The following PCDHGA5 variants were observed in gnomAD, a reference collection of about 807,000 sequenced individuals.
PCDHGA5 encodes the protein protocadherin gamma-A5.
Under a neutral mutation model 56.7 loss-of-function variants are expected in PCDHGA5, and 36 were observed. That is an observed-to-expected ratio of 0.64 (90% CI 0.49 to 0.84). The LOEUF (loss-of-function observed/expected upper bound fraction) is 0.84. Among genes scored for constraint, PCDHGA5 ranks in the 40% least tolerant of loss-of-function variants. The pLI is 0.00. For missense variants in PCDHGA5, 1,305 were observed against 1,201.5 expected, an observed-to-expected ratio of 1.09 and a Z score of -1.27; for synonymous variants, 563 against 520.2, an observed-to-expected ratio of 1.08 and a Z score of -1.12.
intron 1 of PCDHGA5, chr5:141,392,986 A>G (rs573495684): frequency 1.9e-6 from 3 of 1,613,454 alleles, no homozygotes; most frequent in East Asian, 4.5e-5. Context: ...GACCCCCGGA[A>G]GCTGGCGAAG....
At chr5:141,435,516 C>T (rs2097767967) in intron 1 of PCDHGA5, among the ~76,000 whole-genome samples, 1 of 152,058 alleles carries the variant, frequency 6.6e-6, no homozygotes, top group Non-Finnish European at 1.5e-5. Context: ...CTAATGATGA[C>T]TTTGTGGAAT....
chr5:141,456,814 ATTAGCCATCGTGG>A (rs2098889077), intron 1 of PCDHGA5, among the ~76,000 whole-genome samples: 1 of 151,928 alleles, frequency 6.6e-6, no homozygotes, highest in Non-Finnish European at 1.5e-5. Context: ...AATACAAAAA[ATTAGCCATCGTGG>A]TAGTGGGCGC....
intron 1 of PCDHGA5, chr5:141,422,451 C>A: frequency 6.2e-7 from 1 of 1,611,518 alleles, no homozygotes; most frequent in East Asian, 2.2e-5. Context: ...TGATAACAAG[C>A]AGAGTGCTGG....
At chr5:141,508,906 G>A (rs2099872897) in intron 3 of PCDHGA5, among the ~76,000 whole-genome samples, 1 of 152,092 alleles carries the variant, frequency 6.6e-6, no homozygotes, top group Non-Finnish European at 1.5e-5. Context: ...CGGGGCGGTG[G>A]CGGATCTGGC....
At chr5:141,372,562 C>G in intron 1 of PCDHGA5, 1 of 1,614,054 alleles carries the variant, frequency 6.2e-7, no homozygotes. Context: ...AGACCCGCCA[C>G]TGAGGGCTAC....
chr5:141,454,628 AC>A (rs1272822911), intron 1 of PCDHGA5, among the ~76,000 whole-genome samples: 2 of 151,334 alleles, frequency 1.3e-5, no homozygotes, highest in Non-Finnish European at 2.9e-5. Context: ...CTGGTCTCGA[AC>A]CCCCAACCTC....
intron 3 of PCDHGA5, among the ~76,000 whole-genome samples, chr5:141,505,868 G>T (rs2099848820): frequency 6.6e-6 from 1 of 152,170 alleles, no homozygotes; most frequent in Admixed American, 6.5e-5. Context: ...GGACCCCAAA[G>T]GGTTGTTGTA....
rs2097383894 is a variant in PCDHGA5, at chr5:141,431,489, C to T, written c.2422-63318C>T. On this transcript the variant is annotated intron_variant, in intron 1 of 3. Transcript: ENST00000518069. This position sits in a 1 kb window ranked among gnomAD's most constrained non-coding sequence, Gnocchi z 4.8. ...GAACGACAACGCACCAGCGTTTGCTCAGCCCGAGTACCGCGCGAGCGTTCC... is the reference window on the plus strand; with the variant it reads ...GAACGACAACGCACCAGCGTTTGCTTAGCCCGAGTACCGCGCGAGCGTTCC... The T allele has an allele frequency of 1.2e-6, 2 of 1,613,850 alleles. No homozygotes were observed. The highest frequency in any genetic ancestry group is 3.3e-5 in the Admixed American group (2 of 60,016).
intron 1 of PCDHGA5, chr5:141,421,895 GA>G: frequency 6.2e-7 from 1 of 1,613,730 alleles, no homozygotes; most frequent in African/African-American, 1.3e-5. Flanking sequence ...GATCCCATCC[GA>G]AAGGGCGCAG....
At chr5:141,422,498 C>T (rs1482415670) in intron 1 of PCDHGA5, 1 of 1,613,964 alleles carries the variant, frequency 6.2e-7, no homozygotes, top group Admixed American at 1.7e-5. Flanking sequence ...ATAACGTTGA[C>T]AGCCACAGAC....
At position 141,491,390 on chromosome 5, in the gene PCDHGA5, T is replaced by C; in HGVS notation, c.2422-3417T>C. 6.2e-7 allele frequency: 1 copy of C among 1,614,130 alleles called. No homozygotes were observed. Among genetic ancestry groups the C allele is most frequent in the Non-Finnish European group, 8.5e-7 (1 of 1,179,988 alleles). ...TTCACCTTTCTGTCAGCGAAGTGCC[T>C]TCAGGGAAACGCAGACGGGGACGGG... On this transcript the variant is annotated intron_variant, in intron 1 of 3. Coordinates refer to ENST00000518069, the MANE Select transcript of PCDHGA5 (RefSeq NM_018918.3). This position sits in a 1 kb window ranked among gnomAD's most constrained non-coding sequence, Gnocchi z 6.9.
intron 1 of PCDHGA5, 148 bp from the exon 2 acceptor site, chr5:141,494,659 T>C (rs749872848): frequency 2.3e-4 from 343 of 1,488,556 alleles, no homozygotes; most frequent in Non-Finnish European, 2.9e-4. Flanking sequence ...ATTTTGTCTT[T>C]GGAGATGAGT....
intron 1 of PCDHGA5, among the ~76,000 whole-genome samples, chr5:141,492,170 C>A (rs1383768075): frequency 6.6e-6 from 1 of 152,226 alleles, no homozygotes; most frequent in Non-Finnish European, 1.5e-5. Context: ...ATCCCCGCAT[C>A]ACCCAACCGC....
chr5:141,374,093 C>G (rs1039229802), intron 1 of PCDHGA5: 2 of 1,554,704 alleles, frequency 1.3e-6, no homozygotes, highest in South Asian at 1.2e-5. Context: ...AATGGCGCCT[C>G]CGCAGAGGCA....
rs780863525 is a variant in PCDHGA5 at position 141,384,110 on chromosome 5, T to C, written c.2421+17359T>C. The stretch of plus-strand genomic sequence containing the variant: ...AAATCAATAGATAATTATTATAGAT[T>C]GGTCACAACCAAAAACTTGGACCGG... On this transcript the variant is annotated intron_variant, in intron 1 of 3. Transcript: ENST00000518069. The C allele has an allele frequency of 5.0e-6, 8 of 1,604,780 alleles. No homozygotes were observed. The South Asian group carries it at 7.8e-5, about 16-fold the overall frequency.
chr5:141,400,209 G>T (rs371270054), intron 1 of PCDHGA5: 8 of 1,613,934 alleles, frequency 5.0e-6, no homozygotes, highest in African/African-American at 2.7e-5. Flanking sequence ...CCTTGGCCTT[G>T]ATCTCAGTGC....
intron 1 of PCDHGA5, chr5:141,413,949 T>C (rs1291474416): frequency 6.2e-7 from 1 of 1,613,218 alleles, no homozygotes; most frequent in African/African-American, 1.3e-5. Context: ...TTCCTGAGAA[T>C]TTGCCTGTGG....
chr5:141,485,421 C>G lies in PCDHGA5; in HGVS notation c.2422-9386C>G. The G allele has an allele frequency of 6.2e-7, 1 of 1,614,112 alleles. No individual in the cohort carries two copies. The highest frequency in any genetic ancestry group is 1.1e-5 in the South Asian group (1 of 91,080). ...TTCCGTGTGGATTTGGACAGCGGAG[C>G]CCTGCTCATCAAGAACCCAATCGAC... On this transcript the variant is annotated intron_variant, in intron 1 of 3. Transcript: ENST00000518069. This position sits in a 1 kb window ranked among gnomAD's most constrained non-coding sequence, Gnocchi z 5.7.
intron 1 of PCDHGA5, among the ~76,000 whole-genome samples, chr5:141,494,529 G>C (rs952931724): frequency 1.3e-5 from 2 of 152,132 alleles, no homozygotes; most frequent in African/African-American, 4.8e-5. Flanking sequence ...TCTGACTCTG[G>C]GGGCAGGGAG....
Sources: allele counts gnomAD v4.1 joint callset (sites outside exome capture counted in the v4.1 genomes callset), GRCh38; gene constraint gnomAD v4.1.1; non-coding constraint Gnocchi (gnomAD v3.1); transcripts MANE v1.5; gene names NCBI Gene and HGNC (gene_info 2026-07-23, HGNC 2026-07-21).